MTR: variants seen among roughly 807,000 people sequenced by gnomAD.
MTR encodes the protein 5-methyltetrahydrofolate-homocysteine methyltransferase, also known as methionine synthase.
Under a neutral mutation model 154.8 loss-of-function variants are expected in MTR, and 84 were observed. The ratio of observed to expected loss-of-function variants is 0.54; its 90% CI spans 0.45 to 0.65. MTR has a LOEUF of 0.65. Ranked by LOEUF, MTR falls within the 30% of genes least tolerant of loss-of-function variation. MTR has a pLI of 0.00. For missense variants in MTR, 1,275 were observed against 1,570.2 expected (o/e 0.81, Z 3.18); for synonymous variants, 554 against 553.9 (o/e 1.00, Z 0.00).
At chr1:236,835,872 A>C (rs1436434865) in intron 14 of MTR, among the ~76,000 whole-genome samples, 185 bp downstream of exon 14, 1 of 152,134 alleles carries the variant, frequency 6.6e-6, no homozygotes, top group African/African-American at 2.4e-5. Context: ...GATAAAGCAG[A>C]TCTTGGAGAC....
At chr1:236,806,408 C>T (rs901741474) in intron 3 of MTR, among the ~76,000 whole-genome samples, 175 bp downstream of exon 3, 2 of 152,086 alleles carry the variant, frequency 1.3e-5, no homozygotes, top group African/African-American at 4.8e-5. Context: ...ACACAGTGGC[C>T]CATTCATTTT....
intron 23 of MTR, 94 bp downstream of exon 23, chr1:236,873,934 C>T (rs1054690084): frequency 1.7e-6 from 2 of 1,200,596 alleles, no homozygotes; most frequent in Non-Finnish European, 2.4e-6. Flanking sequence ...TAGTGATGCC[C>T]CATGAGGGTT....
chr1:236,863,625 T>C (rs2103314515), intron 22 of MTR, 71 bp downstream of exon 22: 1 of 1,318,954 alleles, frequency 7.6e-7, no homozygotes, highest in Non-Finnish European at 1.1e-6. Context: ...AGAATAATTC[T>C]TCAATGGGTG....
chr1:236,812,763 C>T lies in MTR; in HGVS notation c.528C>T (p.Tyr176=), dbSNP rs1267670954. The change falls in exon 6 of 33, where the codon TAC becomes TAT. Residue 176 remains tyrosine, a synonymous_variant. Transcript: ENST00000366577. The part of the protein sequence containing the change: ...NITFDELVEA[Y]QEQAKGLLDG... ...CATTTGATGAGCTTGTTGAAGCATA[C>T]CAAGAGCAGGCCAAAGGACTTCTGG... The T allele has an allele frequency of 6.2e-7, 1 of 1,614,036 alleles. No homozygotes were observed. Among genetic ancestry groups the T allele is most frequent in the East Asian group, 2.2e-5 (1 of 44,878 alleles).
chr1:236,898,781 G>A lies in MTR; in HGVS notation c.*1137G>A, dbSNP rs1666798843. ...GCTGGGCTCTGATATCCCGTGCGGA[G>A]TTGGACAAGTGGGCAGCATAAAGTC... On this transcript the variant is annotated 3_prime_UTR_variant, in exon 33 of 33. Coordinates refer to ENST00000366577, the MANE Select transcript of MTR (RefSeq NM_000254.3). 6.6e-6 allele frequency: 1 copy of A among 152,194 alleles called. No homozygotes were observed. Among genetic ancestry groups the A allele is most frequent in the Admixed American group, 6.5e-5 (1 of 15,280 alleles). The allele number at this position is 152,194 out of a possible 1,614,324, so 9.4% of individuals were successfully genotyped here.
intron 22 of MTR, among the ~76,000 whole-genome samples, chr1:236,870,995 C>T (rs1665094564): frequency 6.6e-6 from 1 of 152,158 alleles, no homozygotes; most frequent in African/African-American, 2.4e-5. Flanking sequence ...AGCAGCCTAA[C>T]CAGTCTCTCT....
intron 22 of MTR, among the ~76,000 whole-genome samples, chr1:236,867,389 A>C (rs1277958939): frequency 6.6e-6 from 1 of 152,254 alleles, no homozygotes; most frequent in Non-Finnish European, 1.5e-5. Flanking sequence ...CCTACTGCTC[A>C]GTAAAAAAGA....
intron 22 of MTR, among the ~76,000 whole-genome samples, chr1:236,868,425 T>A (rs1229675313): frequency 6.6e-6 from 1 of 152,196 alleles, no homozygotes; most frequent in Non-Finnish European, 1.5e-5. Flanking sequence ...ATGACTCACT[T>A]TATTGAGATA....
At chr1:236,889,050 A>G in intron 27 of MTR, 131 bp from the exon 28 acceptor site, 3 of 1,130,316 alleles carry the variant, frequency 2.7e-6, no homozygotes, top group South Asian at 1.2e-5. Flanking sequence ...CCCTCTTTGT[A>G]AAACAACTCC....
intron 22 of MTR, among the ~76,000 whole-genome samples, chr1:236,872,569 C>G (rs933082391): frequency 1.3e-5 from 2 of 152,122 alleles, no homozygotes; most frequent in Non-Finnish European, 2.9e-5. Flanking sequence ...GATACTGATT[C>G]AGATCCCAAC....
intron 16 of MTR, among the ~76,000 whole-genome samples, chr1:236,851,921 G>C (rs1663926839): frequency 6.6e-6 from 1 of 152,096 alleles, no homozygotes; most frequent in African/African-American, 2.4e-5. Flanking sequence ...TGGACATTAT[G>C]AACAATGCAG....
At chr1:236,888,145 C>T (rs984815195) in intron 27 of MTR, among the ~76,000 whole-genome samples, 2 of 152,214 alleles carry the variant, frequency 1.3e-5, no homozygotes, top group Non-Finnish European at 2.9e-5. Context: ...ACTCTAGAAG[C>T]TTCTGTGTTC....
chr1:236,810,850 G>A (rs1661262563), intron 5 of MTR, among the ~76,000 whole-genome samples: 2 of 152,128 alleles, frequency 1.3e-5, no homozygotes, highest in Admixed American at 1.3e-4. Flanking sequence ...GTCAGCTGTG[G>A]AAATAAAACC....
chr1:236,845,599 T>C (rs77234299), intron 15 of MTR, among the ~76,000 whole-genome samples: 147 of 152,232 alleles, frequency 9.7e-4, no homozygotes, highest in African/African-American at 3.3e-3. Context: ...TATGCCGAGA[T>C]TTTACACCAA....
Position 236,887,519 on chromosome 1 carries a change from C to T in MTR, c.2851+1152C>T, listed in dbSNP as rs1208787924. Among the ~76,000 whole-genome samples, 91 of 152,222 alleles carry T rather than the reference C, an allele frequency of 6.0e-4. 3 individuals carry two copies. The highest frequency in any genetic ancestry group is 5.9e-3 in the Admixed American group (90 of 15,280). Reference sequence around the variant, plus strand: ...TCCGATTATTTGCTCTGTATCTTTCCCTGTGAAATTGGAATAATAACACAA... The same window carrying T: ...TCCGATTATTTGCTCTGTATCTTTCTCTGTGAAATTGGAATAATAACACAA... On this transcript the variant is annotated intron_variant, in intron 27 of 32. Coordinates refer to ENST00000366577, the MANE Select transcript of MTR (RefSeq NM_000254.3).
At chr1:236,897,502 T>A in intron 32 of MTR, 56 bp from the exon 33 acceptor site, 1 of 1,513,928 alleles carries the variant, frequency 6.6e-7, no homozygotes, top group Non-Finnish European at 9.2e-7. Context: ...TGTGGAAACT[T>A]CTATTCCAAA....
chr1:236,835,830 G>A, intron 14 of MTR, 143 bp downstream of exon 14: 1 of 1,164,122 alleles, frequency 8.6e-7, no homozygotes, highest in Admixed American at 1.7e-5. Flanking sequence ...GTTTCTGATT[G>A]TCAGCTTTCT....
chr1:236,878,422 A>G (rs1326184833), intron 24 of MTR, among the ~76,000 whole-genome samples: 1 of 152,156 alleles, frequency 6.6e-6, no homozygotes, highest in African/African-American at 2.4e-5. Context: ...AGATAACCCT[A>G]TGGCTTTTCC....
intron 15 of MTR, among the ~76,000 whole-genome samples, chr1:236,839,433 G>A (rs749061610): frequency 4.6e-5 from 7 of 152,046 alleles, no homozygotes; most frequent in Non-Finnish European, 7.4e-5. Flanking sequence ...ACTAAGTTTT[G>A]TAAACATTAA....
Sources: allele counts gnomAD v4.1 joint callset (sites outside exome capture counted in the v4.1 genomes callset), GRCh38; gene constraint gnomAD v4.1.1; transcripts MANE v1.5; gene names NCBI Gene and HGNC (gene_info 2026-07-23, HGNC 2026-07-21).